The following FAT3 variants were observed in gnomAD, a reference collection of about 807,000 sequenced individuals.
FAT3 encodes FAT atypical cadherin 3, also known as protocadherin Fat 3.
A neutral mutation model predicts 310.2 loss-of-function variants in FAT3; 95 were observed. That is an observed-to-expected ratio of 0.31 (90% CI 0.26 to 0.36). FAT3 has a LOEUF of 0.36. FAT3 is among the 10% of genes least tolerant of loss of function. The probability of loss-of-function intolerance (pLI) is 1.00; values close to 1 mark genes in which losing one functional copy is unlikely to be tolerated. For synonymous variants in FAT3, 2,314 were observed against 2,192.9 expected (o/e 1.06, Z -1.54); for missense variants, 5,408 against 5,715.6 (o/e 0.95, Z 1.74).
chr11:92,449,657 G>C (rs918857096), intron 2 of FAT3, among the ~76,000 whole-genome samples: 1 of 152,072 alleles, frequency 6.6e-6, no homozygotes. Flanking sequence ...ACTTGCAAAG[G>C]TTACACACAT....
Position 92,393,990 on chromosome 11 carries a change from A to G in FAT3, c.3292+38586A>G, listed in dbSNP as rs78427615. ...CTATTATCTATCCCTCTTTTTCCTA[A>G]AGAAGAGAGATGCTTGTCAAGGGTG... On this transcript the variant is annotated intron_variant, in intron 2 of 27. Coordinates refer to ENST00000525166, the MANE Select transcript of FAT3 (RefSeq NM_001367949.2). Among the ~76,000 whole-genome samples, 915 of 152,142 alleles carry G rather than the reference A, an allele frequency of 6.0e-3. 7 individuals are homozygous for G. Among genetic ancestry groups the G allele is most frequent in the African/African-American group, 0.021 (859 of 41,524 alleles).
chr11:92,548,953 C>T (rs2135431391), intron 3 of FAT3, among the ~76,000 whole-genome samples: 1 of 152,266 alleles, frequency 6.6e-6, no homozygotes. Flanking sequence ...GTATTGTTGG[C>T]ATCAAGCTTA....
chr11:92,881,481 C>A (rs1949669092), intron 23 of FAT3, among the ~76,000 whole-genome samples: 1 of 152,146 alleles, frequency 6.6e-6, no homozygotes, highest in Non-Finnish European at 1.5e-5. Context: ...TTCATTAGAG[C>A]AAATCTCCCG....
At chr11:92,399,170 A>G (rs959325930) in intron 2 of FAT3, among the ~76,000 whole-genome samples, 1 of 152,214 alleles carries the variant, frequency 6.6e-6, no homozygotes, top group Non-Finnish European at 1.5e-5. Context: ...TAAATAGTTT[A>G]TGAGTTCTCC....
At chr11:92,689,133 C>A (rs1429958541) in intron 3 of FAT3, among the ~76,000 whole-genome samples, 1 of 152,046 alleles carries the variant, frequency 6.6e-6, no homozygotes, top group Non-Finnish European at 1.5e-5. Flanking sequence ...AGCTAAGTAA[C>A]CTGCCCAAGG....
At chr11:92,737,978 A>C (rs542371830) in intron 4 of FAT3, among the ~76,000 whole-genome samples, 1 of 152,186 alleles carries the variant, frequency 6.6e-6, no homozygotes, top group African/African-American at 2.4e-5. Flanking sequence ...TCATTGAGAC[A>C]GGGCATCAGA....
chr11:92,799,266 G>A lies in FAT3; in HGVS notation c.6253G>A (p.Val2085Met), dbSNP rs1449189758. ...EDINDNSPVF[V>M]GLPYYAAVQV... ...CATAAATGACAATTCTCCAGTCTTT[G>A]TGGGCCTCCCATACTATGCTGCTGT... Residue 2085 changes from valine to methionine, a missense_variant, in exon 10 of 28, where the codon GTG (valine) becomes ATG (methionine). Val to Met is a conservative substitution (Grantham distance 21, BLOSUM62 1). Around this residue, in one of 5 missense-constraint regions of FAT3, gnomAD observed 4,588 missense variants for 4,809.8 expected, o/e 0.95. Transcript: ENST00000525166. 1 of 1,613,902 alleles carries A rather than the reference G, an allele frequency of 6.2e-7. No individual in the cohort carries two copies. Among genetic ancestry groups the A allele is most frequent in the East Asian group, 2.2e-5 (1 of 44,858 alleles).
rs539359170 is a variant in FAT3 at position 92,534,055 on chromosome 11, G to A, written c.3607+9107G>A. 1.9e-4 allele frequency among the ~76,000 whole-genome samples: 29 copies of A among 152,202 alleles called. No individual in the cohort carries two copies. The South Asian group carries it at 5.8e-3, about 31-fold the overall frequency. On this transcript the variant is annotated intron_variant, in intron 3 of 27. Coordinates refer to ENST00000525166, the MANE Select transcript of FAT3 (RefSeq NM_001367949.2). ...CTTTATTACTTTCTTCTGTTCTGTG[G>A]GAAACAGTGAATTTTAATTGAAACC...
chr11:92,653,502 T>C (rs1942463979), intron 3 of FAT3, among the ~76,000 whole-genome samples: 1 of 152,182 alleles, frequency 6.6e-6, no homozygotes, highest in South Asian at 2.1e-4. Flanking sequence ...CTCTGTATAC[T>C]GCAGTGTTCA....
At position 92,840,542 on chromosome 11, in the gene FAT3, C is replaced by T. The variant is rs765255742; in HGVS notation, c.10369-20C>T. ...AGTGTAATTTTTATCTTCATTTTTACTATATACTCTTTTATGCAGGAAAAT... is the reference window on the plus strand; with the variant it reads ...AGTGTAATTTTTATCTTCATTTTTATTATATACTCTTTTATGCAGGAAAAT... On this transcript the variant is annotated intron_variant, in intron 17 of 27. Transcript: ENST00000525166. The T allele has an allele frequency of 2.7e-5, 42 of 1,531,550 alleles. No individual in the cohort carries two copies. The Middle Eastern group carries it at 5.3e-4, about 19-fold the overall frequency. 94.9% of individuals were successfully genotyped at this position (1,531,550 alleles called of 1,614,324 possible). A position where few individuals can be genotyped will look rare whatever the true frequency, so the allele number is the denominator to read the frequency against.
chr11:92,614,885 T>C (rs529673264), intron 3 of FAT3, among the ~76,000 whole-genome samples: 1 of 152,354 alleles, frequency 6.6e-6, no homozygotes, highest in Non-Finnish European at 1.5e-5. Context: ...TTATTTTGTA[T>C]AATATGAGTA....
intron 1 of FAT3, among the ~76,000 whole-genome samples, chr11:92,279,013 A>G (rs904910003): frequency 2.0e-5 from 3 of 152,154 alleles, no homozygotes; most frequent in Non-Finnish European, 4.4e-5. Context: ...AAATGAAAAC[A>G]GTAACTCTTA....
intron 3 of FAT3, among the ~76,000 whole-genome samples, chr11:92,586,530 C>T (rs1430413716): frequency 1.3e-5 from 2 of 151,972 alleles, no homozygotes; most frequent in African/African-American, 4.8e-5. Flanking sequence ...TGGTATACCT[C>T]TTGCCATTTT....
intron 3 of FAT3, among the ~76,000 whole-genome samples, chr11:92,696,843 G>A (rs1360617831): frequency 6.6e-6 from 1 of 151,428 alleles, no homozygotes; most frequent in Non-Finnish European, 1.5e-5. Context: ...AAAACAAAAT[G>A]ATAAAATTAC....
At chr11:92,705,061 T>A (rs990017160) in intron 4 of FAT3, among the ~76,000 whole-genome samples, 4 of 152,310 alleles carry the variant, frequency 2.6e-5, no homozygotes, top group Admixed American at 6.5e-5. Context: ...GCCTTCAAGT[T>A]TCTAGCTTCC....
chr11:92,755,443 C>T (rs1458030738), intron 4 of FAT3, among the ~76,000 whole-genome samples: 1 of 152,074 alleles, frequency 6.6e-6, no homozygotes, highest in African/African-American at 2.4e-5. Context: ...AGCCTGGTAT[C>T]GAACTCCTGA....
chr11:92,481,694 A>G, intron 2 of FAT3, among the ~76,000 whole-genome samples: 1 of 152,180 alleles, frequency 6.6e-6, no homozygotes, highest in Admixed American at 6.5e-5. Flanking sequence ...TACTTTATTT[A>G]TTCTCTCCTT....
intron 1 of FAT3, among the ~76,000 whole-genome samples, chr11:92,233,273 C>A (rs1482282145): frequency 6.6e-6 from 1 of 152,042 alleles, no homozygotes; most frequent in Non-Finnish European, 1.5e-5. Context: ...TTTTTTAATT[C>A]CTCATCTTCA....
chr11:92,260,546 T>C (rs12276382), intron 1 of FAT3, among the ~76,000 whole-genome samples: 47,699 of 151,978 alleles, frequency 0.31, 9,082 homozygotes, highest in African/African-American at 0.53. Flanking sequence ...TCTTTAAGGC[T>C]GTTAAGGCTC....
Sources: allele counts gnomAD v4.1 joint callset (sites outside exome capture counted in the v4.1 genomes callset), GRCh38; gene constraint gnomAD v4.1.1; regional missense constraint gnomAD v4.1.1; transcripts MANE v1.5; gene names NCBI Gene and HGNC (gene_info 2026-07-23, HGNC 2026-07-21).